Variants in CIP2A observed in about 807,000 individuals in gnomAD.
CIP2A encodes protein CIP2A.
A neutral mutation model predicts 110.9 loss-of-function variants in CIP2A; 103 were observed. The observed-to-expected ratio is 0.93, with a 90% CI of 0.79 to 1.09. The LOEUF (loss-of-function observed/expected upper bound fraction) is 1.09. Ranked by LOEUF, CIP2A falls within the 50% of genes least tolerant of loss-of-function variation. CIP2A has a pLI of 0.00. For missense variants in CIP2A, 1,088 were observed against 1,038.4 expected (o/e 1.05, Z -0.66); for synonymous variants, 381 against 361.6 (o/e 1.05, Z -0.61).
intron 12 of CIP2A, among the ~76,000 whole-genome samples, chr3:108,564,291 C>T (rs1938108478): frequency 6.6e-6 from 1 of 151,862 alleles, no homozygotes; most frequent in African/African-American, 2.4e-5. Flanking sequence ...GAACTCAGTC[C>T]CTTAATCTCA....
chr3:108,589,270 T>G lies in CIP2A; in HGVS notation c.102+4A>C. The G allele has an allele frequency of 6.2e-7, 1 of 1,611,926 alleles. No homozygotes were observed. The highest frequency in any genetic ancestry group is 1.1e-5 in the South Asian group (1 of 90,994). On this transcript the variant is annotated splice_donor_region_variant and intron_variant, in intron 1 of 20. Coordinates refer to ENST00000295746, the MANE Select transcript of CIP2A (RefSeq NM_020890.3). ...CATCTGTCCTCTACCCCAGAGCCTC[T>G]CACCTCCAAGTGCCGCAAAAGCTGA...
intron 8 of CIP2A, among the ~76,000 whole-genome samples, chr3:108,575,387 T>C (rs1203938292): frequency 1.3e-5 from 2 of 150,090 alleles, no homozygotes; most frequent in African/African-American, 2.4e-5. Context: ...CATGTATGCG[T>C]GTATATATGT....
intron 8 of CIP2A, among the ~76,000 whole-genome samples, chr3:108,573,858 T>C (rs1938479479): frequency 6.6e-6 from 1 of 152,136 alleles, no homozygotes; most frequent in African/African-American, 2.4e-5. Context: ...TGTAAAAACT[T>C]GTAAGGTAAA....
intron 19 of CIP2A, among the ~76,000 whole-genome samples, chr3:108,553,121 G>GTTTTTTTTTTT (rs768832281): frequency 1.5e-5 from 1 of 67,156 alleles, no homozygotes; most frequent in African/African-American, 5.7e-5. Context: ...CTTTCCTTTT[G>GTTTTTTTTTTT]TTTTTTTTTT....
At chr3:108,576,752 G>C (rs80069054) in intron 7 of CIP2A, among the ~76,000 whole-genome samples, 6 of 152,132 alleles carry the variant, frequency 3.9e-5, no homozygotes, top group African/African-American at 1.2e-4. Flanking sequence ...AAAATTACCA[G>C]GCATTAAATT....
intron 16 of CIP2A, among the ~76,000 whole-genome samples, 193 bp downstream of exon 16, chr3:108,559,564 A>T (rs114158902): frequency 0.016 from 2,388 of 152,236 alleles, 59 homozygotes; most frequent in African/African-American, 0.055. Context: ...AAAATAATAC[A>T]AGGTAGCAAA....
rs551230901 is a variant in CIP2A at position 108,551,055 on chromosome 3, G to A, written c.*94C>T. ...TTAGATAATAACTTCTTATTGTTAC[G>A]AAGTCACAAATTAACTCCCCTACCC... On this transcript the variant is annotated 3_prime_UTR_variant, in exon 21 of 21. Transcript: ENST00000295746. 6 of 562,088 alleles carry A rather than the reference G, an allele frequency of 1.1e-5. No homozygotes were observed. The highest frequency in any genetic ancestry group is 4.3e-5 in the South Asian group (1 of 23,258). 34.8% of individuals were successfully genotyped at this position (562,088 alleles called of 1,614,324 possible).
At chr3:108,571,265 A>G (rs2107342721) in intron 8 of CIP2A, among the ~76,000 whole-genome samples, 1 of 152,298 alleles carries the variant, frequency 6.6e-6, no homozygotes, top group South Asian at 2.1e-4. Context: ...CGTTTATCAA[A>G]ATACTATGTA....
At chr3:108,585,010 A>T in intron 2 of CIP2A, 55 bp downstream of exon 2, 1 of 1,507,022 alleles carries the variant, frequency 6.6e-7, no homozygotes, top group Non-Finnish European at 9.1e-7. Context: ...CCTGCACTTT[A>T]AAATATTGTT....
chr3:108,582,112 G>T lies in CIP2A; in HGVS notation c.448C>A (p.His150Asn). 1 of 1,390,392 alleles carries T rather than the reference G, an allele frequency of 7.2e-7. No individual in the cohort carries two copies. The highest frequency in any genetic ancestry group is 1.0e-6 in the Non-Finnish European group (1 of 1,000,902). The allele number at this position is 1,390,392 out of a possible 1,614,324, so 86.1% of individuals were successfully genotyped here. A position where few individuals can be genotyped will look rare whatever the true frequency, so the allele number is the denominator to read the frequency against. Residue 150 changes from histidine (H) to asparagine (N), a missense_variant, in exon 4 of 21, where the codon CAC becomes AAC. Transcript: ENST00000295746. ...TATGTTTGATTGCATACTCACATGT[G>T]ATCTATCAGGAACGTAATTAATTCA... is the stretch of plus-strand genomic sequence containing the variant. ...IDELITFLID[H>N]IQSSEDELKM... is the part of the protein sequence containing the mutation.
chr3:108,571,466 T>G (rs1397744473), intron 8 of CIP2A, among the ~76,000 whole-genome samples: 1 of 152,156 alleles, frequency 6.6e-6, no homozygotes, highest in Non-Finnish European at 1.5e-5. Context: ...TGACTATATT[T>G]ATTTTTGAAT....
chr3:108,552,391 T>G lies in CIP2A; in HGVS notation c.2408-18A>C. On this transcript the variant is annotated intron_variant, in intron 19 of 20. Coordinates refer to ENST00000295746, the MANE Select transcript of CIP2A (RefSeq NM_020890.3). Reference sequence around the variant, plus strand: ...ATGCAAATCTTAAAAGAAAAAAAAGTCAAGTATTATACTCAGAGGTCTTAC... The same window carrying G: ...ATGCAAATCTTAAAAGAAAAAAAAGGCAAGTATTATACTCAGAGGTCTTAC... 2.0e-6 allele frequency: 3 copies of G among 1,474,256 alleles called. No individual in the cohort carries two copies. The highest frequency in any genetic ancestry group is 1.4e-5 in the African/African-American group (1 of 69,566). 91.3% of individuals were successfully genotyped at this position (1,474,256 alleles called of 1,614,324 possible).
Position 108,579,706 on chromosome 3 carries a change from A to G in CIP2A, c.550-18T>C, listed in dbSNP as rs765174682. 6.8e-7 allele frequency: 1 copy of G among 1,477,900 alleles called. No individual in the cohort carries two copies. Among genetic ancestry groups the G allele is most frequent in the East Asian group, 2.4e-5 (1 of 42,218 alleles). 91.5% of individuals were successfully genotyped at this position (1,477,900 alleles called of 1,614,324 possible). A position where few individuals can be genotyped will look rare whatever the true frequency, so the allele number is the denominator to read the frequency against. ...ACATTACTCTGAGGAAAAAAAAGTT[A>G]AAAAATAAATTAGAATTATAAATTT... On this transcript the variant is annotated intron_variant, in intron 5 of 20. Coordinates refer to ENST00000295746, the MANE Select transcript of CIP2A (RefSeq NM_020890.3).
In CIP2A at chr3:108,585,126, A is replaced by C; in HGVS notation, c.189T>G (p.Leu63=). Reference sequence around the variant, plus strand: ...GTGAAGCACTTATGTTGGGGTCTTCAAGTAGCTCTACAAGGCAACTCAAGC... The same window carrying C: ...GTGAAGCACTTATGTTGGGGTCTTCCAGTAGCTCTACAAGGCAACTCAAGC... ...SECLSCLVEL[L]EDPNISASLI... is the part of the protein sequence containing the mutation. Residue 63 remains leucine, a synonymous_variant, in exon 2 of 21, where the codon CTT becomes CTG. Transcript: ENST00000295746. The C allele has an allele frequency of 6.2e-7, 1 of 1,613,668 alleles. No homozygotes were observed. The highest frequency in any genetic ancestry group is 8.5e-7 in the Non-Finnish European group (1 of 1,179,638).
intron 12 of CIP2A, 136 bp downstream of exon 12, chr3:108,565,219 C>T: frequency 1.8e-6 from 1 of 543,946 alleles, no homozygotes; most frequent in Non-Finnish European, 3.3e-6. Flanking sequence ...CTGCTTAAGA[C>T]AACAACTTTA....
intron 16 of CIP2A, among the ~76,000 whole-genome samples, chr3:108,559,171 A>G (rs1027286273): frequency 1.6e-4 from 24 of 152,160 alleles, no homozygotes; most frequent in African/African-American, 5.5e-4. Flanking sequence ...AGAAGCAGAG[A>G]TAGGGCAGAA....
At chr3:108,583,518 T>C (rs1470962018) in intron 2 of CIP2A, among the ~76,000 whole-genome samples, 1 of 152,130 alleles carries the variant, frequency 6.6e-6, no homozygotes, top group Non-Finnish European at 1.5e-5. Context: ...CATGTATTCA[T>C]TCATGTGTAG....
chr3:108,576,396 C>T (rs769802773), intron 7 of CIP2A, 50 bp from the exon 8 acceptor site: 2 of 943,736 alleles, frequency 2.1e-6, no homozygotes, highest in East Asian at 2.6e-5. Context: ...AAAATTGATA[C>T]ATCAAAAGGG....
intron 7 of CIP2A, among the ~76,000 whole-genome samples, chr3:108,578,204 T>C (rs1354134945): frequency 6.6e-6 from 1 of 152,206 alleles, no homozygotes; most frequent in African/African-American, 2.4e-5. Context: ...CTAAACTGGA[T>C]TATCTTTTAG....
Sources: allele counts gnomAD v4.1 joint callset (sites outside exome capture counted in the v4.1 genomes callset), GRCh38; gene constraint gnomAD v4.1.1; transcripts MANE v1.5; gene names NCBI Gene and HGNC (gene_info 2026-07-23, HGNC 2026-07-21).